Variants in HS3ST4 observed in about 807,000 individuals in gnomAD.
HS3ST4 encodes the protein heparan sulfate-glucosamine 3-sulfotransferase 4.
In HS3ST4, 17 loss-of-function variants were observed where a neutral mutation model predicts 29.2. The observed-to-expected ratio is 0.58, with a 90% CI of 0.40 to 0.87. HS3ST4 has a LOEUF of 0.87. HS3ST4 is among the 40% of genes least tolerant of loss of function. The probability of loss-of-function intolerance (pLI) is 0.00; values close to 1 mark genes in which losing one functional copy is unlikely to be tolerated. For missense variants in HS3ST4, 627 were observed against 634.5 expected, an observed-to-expected ratio of 0.99 and a Z score of 0.13; for synonymous variants, 314 against 285.7, an observed-to-expected ratio of 1.10 and a Z score of -1.00.
chr16:26,032,823 C>T (rs1355976318), intron 1 of HS3ST4: 32 of 1,571,646 alleles, frequency 2.0e-5, no homozygotes, highest in South Asian at 1.6e-4. Context: ...GTGGTGGCGG[C>T]GACGGCAGCA....
intron 1 of HS3ST4, among the ~76,000 whole-genome samples, chr16:25,888,330 T>C (rs1430369321): frequency 1.3e-5 from 2 of 152,236 alleles, no homozygotes; most frequent in African/African-American, 2.4e-5. Context: ...GGAGCTCAAA[T>C]GATCTAATCG....
At chr16:25,923,157 T>A (rs1490783778) in intron 1 of HS3ST4, among the ~76,000 whole-genome samples, 1 of 152,228 alleles carries the variant, frequency 6.6e-6, no homozygotes, top group African/African-American at 2.4e-5. Context: ...ACAGAGAGAA[T>A]TTCAAACAAG....
chr16:25,734,908 C>A (rs1413811035), intron 1 of HS3ST4, among the ~76,000 whole-genome samples: 1 of 152,190 alleles, frequency 6.6e-6, no homozygotes, highest in Non-Finnish European at 1.5e-5. Context: ...CCACATCATT[C>A]CTCCTGGGGA....
At chr16:25,881,272 G>A (rs1372146030) in intron 1 of HS3ST4, among the ~76,000 whole-genome samples, 1 of 152,056 alleles carries the variant, frequency 6.6e-6, no homozygotes, top group Non-Finnish European at 1.5e-5. Flanking sequence ...TTTTTGGTCT[G>A]TCGATATAAA....
intron 1 of HS3ST4, among the ~76,000 whole-genome samples, chr16:26,035,637 CT>C (rs1969575809): frequency 1.3e-5 from 2 of 152,316 alleles, no homozygotes; most frequent in South Asian, 4.1e-4. Context: ...GTCTACTTCT[CT>C]TCTATCTCCT....
intron 1 of HS3ST4, among the ~76,000 whole-genome samples, chr16:25,709,960 C>G (rs1028457251): frequency 6.6e-6 from 1 of 152,058 alleles, no homozygotes; most frequent in Non-Finnish European, 1.5e-5. Flanking sequence ...TTAAGTCTTC[C>G]TGCCCGGATT....
intron 1 of HS3ST4, among the ~76,000 whole-genome samples, chr16:26,102,900 C>G (rs989936524): frequency 1.3e-5 from 2 of 152,208 alleles, no homozygotes; most frequent in African/African-American, 4.8e-5. Context: ...AGAGCCCAAG[C>G]TGGTAACTGC....
At chr16:25,828,264 C>T (rs1967246965) in intron 1 of HS3ST4, among the ~76,000 whole-genome samples, 1 of 81,290 alleles carries the variant, frequency 1.2e-5, no homozygotes, top group Non-Finnish European at 2.4e-5. Flanking sequence ...TTCTTTCTTT[C>T]TTTCTTTCTT....
chr16:25,904,129 TG>T (rs1968152565), intron 1 of HS3ST4, among the ~76,000 whole-genome samples: 1 of 114,872 alleles, frequency 8.7e-6, no homozygotes, highest in South Asian at 2.9e-4. Flanking sequence ...GATGGATGGA[TG>T]GATGGATGGA....
intron 1 of HS3ST4, among the ~76,000 whole-genome samples, chr16:25,986,388 G>C (rs1463726980): frequency 1.3e-5 from 2 of 152,184 alleles, no homozygotes; most frequent in African/African-American, 2.4e-5. Flanking sequence ...TAGGTGATAA[G>C]ACTGAGAATC....
chr16:26,053,556 G>C (rs559088262), intron 1 of HS3ST4, among the ~76,000 whole-genome samples: 1 of 152,120 alleles, frequency 6.6e-6, no homozygotes, highest in Non-Finnish European at 1.5e-5. Context: ...AAGACTTCAG[G>C]AAGTGTGGTT....
At chr16:26,102,835 G>A (rs1899004843) in intron 1 of HS3ST4, among the ~76,000 whole-genome samples, 1 of 152,176 alleles carries the variant, frequency 6.6e-6, no homozygotes, top group Non-Finnish European at 1.5e-5. Context: ...GTTTTTCAAA[G>A]GCGTTGCAGG....
chr16:25,747,768 C>A lies in HS3ST4; in HGVS notation c.734+54617C>A, dbSNP rs116572573. ...TCAGATGCCCAAGCATGGATGTTTTCTCTAGCATTGCAGACAATTCGTAGT... is the reference window on the plus strand; with the variant it reads ...TCAGATGCCCAAGCATGGATGTTTTATCTAGCATTGCAGACAATTCGTAGT... On this transcript the variant is annotated intron_variant, in intron 1 of 1. Coordinates refer to ENST00000331351, the MANE Select transcript of HS3ST4 (RefSeq NM_006040.3). Among the ~76,000 whole-genome samples, 289 of 152,316 alleles carry A rather than the reference C, an allele frequency of 1.9e-3. 1 individual carries two copies. Among genetic ancestry groups the A allele is most frequent in the African/African-American group, 6.7e-3 (277 of 41,572 alleles).
intron 1 of HS3ST4, among the ~76,000 whole-genome samples, chr16:26,016,115 C>T (rs1482349438): frequency 6.6e-6 from 1 of 152,220 alleles, no homozygotes; most frequent in Non-Finnish European, 1.5e-5. Flanking sequence ...TCAGCATAGA[C>T]ATGTATGGCT....
intron 1 of HS3ST4, among the ~76,000 whole-genome samples, chr16:26,036,036 C>G (rs1162311209): frequency 3.9e-5 from 6 of 152,198 alleles, no homozygotes. Context: ...AGAGAAGCAG[C>G]CTCTCAATGG....
At chr16:26,076,084 G>T (rs1190883037) in intron 1 of HS3ST4, among the ~76,000 whole-genome samples, 3 of 152,084 alleles carry the variant, frequency 2.0e-5, no homozygotes, top group African/African-American at 7.2e-5. Flanking sequence ...TCAAATTATT[G>T]CACCTTCTTA....
chr16:25,873,400 ATCCATCCATCCATCCACC>A (rs1967781705), intron 1 of HS3ST4, among the ~76,000 whole-genome samples: 1 of 134,310 alleles, frequency 7.4e-6, no homozygotes, highest in Non-Finnish European at 1.6e-5. Context: ...CCATCCATCC[ATCCATCCATCCATCCACC>A]CATCCATCCA....
intron 1 of HS3ST4, among the ~76,000 whole-genome samples, chr16:26,135,386 G>T (rs1387322289): frequency 6.6e-6 from 1 of 152,116 alleles, no homozygotes; most frequent in Non-Finnish European, 1.5e-5. Context: ...TAAACCTAGG[G>T]ATATATAAGG....
At chr16:26,066,611 C>T (rs1898545212) in intron 1 of HS3ST4, among the ~76,000 whole-genome samples, 1 of 152,174 alleles carries the variant, frequency 6.6e-6, no homozygotes, top group African/African-American at 2.4e-5. Flanking sequence ...TTCCAACACA[C>T]ACCTGTCACT....
Sources: allele counts gnomAD v4.1 joint callset (sites outside exome capture counted in the v4.1 genomes callset), GRCh38; gene constraint gnomAD v4.1.1; transcripts MANE v1.5; gene names NCBI Gene and HGNC (gene_info 2026-07-23, HGNC 2026-07-21).